Variants in CISD2 observed in about 807,000 individuals in gnomAD.
CISD2 encodes the protein CDGSH iron-sulfur domain-containing protein 2.
In CISD2, 1 loss-of-function variant was observed where a neutral mutation model predicts 12.9. That is an observed-to-expected ratio of 0.08 (90% CI 0.03 to 0.37). The LOEUF (loss-of-function observed/expected upper bound fraction) is 0.37. Ranked by LOEUF, CISD2 falls within the 10% of genes least tolerant of loss-of-function variation. The pLI is 0.99. For synonymous variants in CISD2, 50 were observed against 60.6 expected (o/e 0.83, Z 0.81); for missense variants, 97 against 163.1 (o/e 0.59, Z 2.21).
At chr4:102,879,891 A>G (rs886339342) in intron 1 of CISD2, among the ~76,000 whole-genome samples, 4 of 152,170 alleles carry the variant, frequency 2.6e-5, no homozygotes, top group Non-Finnish European at 5.9e-5. Flanking sequence ...GACACAGATG[A>G]TCAGACAAAT....
At chr4:102,876,316 T>C (rs1733590528) in intron 1 of CISD2, among the ~76,000 whole-genome samples, 1 of 152,216 alleles carries the variant, frequency 6.6e-6, no homozygotes, top group Non-Finnish European at 1.5e-5. Context: ...ACTGAATTAG[T>C]TGTTTACTGA....
chr4:102,883,038 G>A (rs537376203), intron 1 of CISD2, among the ~76,000 whole-genome samples: 14 of 152,186 alleles, frequency 9.2e-5, no homozygotes, highest in African/African-American at 3.1e-4. Flanking sequence ...GAGCCACCAC[G>A]CCCACATGTG....
Position 102,882,457 on chromosome 4 carries a change from G to A in CISD2, c.104-2759G>A, listed in dbSNP as rs141853191. 8.5e-4 allele frequency among the ~76,000 whole-genome samples: 129 copies of A among 152,276 alleles called. 1 individual carries two copies. Among genetic ancestry groups the A allele is most frequent in the Middle Eastern group, 3.4e-3 (1 of 294 alleles). On this transcript the variant is annotated intron_variant, in intron 1 of 2. Coordinates refer to ENST00000273986, the MANE Select transcript of CISD2 (RefSeq NM_001008388.5). ...GGCTGCTTACTAGACAGTAGCTTTC[G>A]CTGGCCTCAGGTACATGAAGAGACC...
chr4:102,881,181 CTTAA>C (rs1733712267), intron 1 of CISD2, among the ~76,000 whole-genome samples: 1 of 151,752 alleles, frequency 6.6e-6, no homozygotes, highest in Admixed American at 6.6e-5. Context: ...TAAAATCAGC[CTTAA>C]TTGACAGAGA....
At chr4:102,883,244 A>G (rs1018415230) in intron 1 of CISD2, among the ~76,000 whole-genome samples, 1 of 152,176 alleles carries the variant, frequency 6.6e-6, no homozygotes, top group Middle Eastern at 3.2e-3. Flanking sequence ...ACATGAAGTC[A>G]GTATTTCTCC....
chr4:102,885,710 C>G (rs1227081770), intron 2 of CISD2, among the ~76,000 whole-genome samples: 1 of 152,062 alleles, frequency 6.6e-6, no homozygotes, highest in African/African-American at 2.4e-5. Flanking sequence ...TGAGAGAGGA[C>G]CTAAGGTTTA....
intron 1 of CISD2, among the ~76,000 whole-genome samples, chr4:102,870,432 G>A (rs1024216410): frequency 6.6e-6 from 1 of 152,070 alleles, no homozygotes; most frequent in Non-Finnish European, 1.5e-5. Context: ...ATTTAGAAGG[G>A]ATAAACTAGA....
In CISD2 at chr4:102,892,161, C is replaced by T. The variant is rs10452178; in HGVS notation, c.*4731C>T. Reference sequence around the variant, plus strand: ...GCAGCCTCAGCCTCTTGTGCTCAAGCGATCCTCCCACCTCAGCCTCCCAAG... The same window carrying T: ...GCAGCCTCAGCCTCTTGTGCTCAAGTGATCCTCCCACCTCAGCCTCCCAAG... On this transcript the variant is annotated 3_prime_UTR_variant, in exon 3 of 3. Transcript: ENST00000273986. 0.16 allele frequency: 23,888 copies of T among 151,876 alleles called. 1,995 individuals carry two copies. The highest frequency in any genetic ancestry group is 0.19 in the African/African-American group (7,723 of 41,452). 9.4% of individuals were successfully genotyped at this position (151,876 alleles called of 1,614,324 possible). A position where few individuals can be genotyped will look rare whatever the true frequency, so the allele number is the denominator to read the frequency against.
Position 102,892,311 on chromosome 4 carries a change from A to C in CISD2, c.*4881A>C, listed in dbSNP as rs1318058808. ...GGACTCAAGTGATCCTCCCTGCCTC[A>C]GCACTCCCAAAGTGCTGGGATTGCA... On this transcript the variant is annotated 3_prime_UTR_variant, in exon 3 of 3. Transcript: ENST00000273986. 2 of 152,200 alleles carry C rather than the reference A, an allele frequency of 1.3e-5. No homozygotes were observed. The highest frequency in any genetic ancestry group is 2.9e-5 in the Non-Finnish European group (2 of 68,066). 9.4% of individuals were successfully genotyped at this position (152,200 alleles called of 1,614,324 possible). A position where few individuals can be genotyped will look rare whatever the true frequency, so the allele number is the denominator to read the frequency against.
intron 1 of CISD2, chr4:102,874,510 G>A (rs1187913691): frequency 2.0e-5 from 3 of 152,080 alleles, no homozygotes; most frequent in African/African-American, 7.2e-5. Context: ...TTTTAAAAAG[G>A]AAATTTGGGC....
chr4:102,880,237 C>A (rs1578312470), intron 1 of CISD2, among the ~76,000 whole-genome samples: 2 of 152,296 alleles, frequency 1.3e-5, no homozygotes, highest in East Asian at 3.9e-4. Context: ...AGCCACCACG[C>A]CCAGCCCCCT....
intron 1 of CISD2, among the ~76,000 whole-genome samples, chr4:102,884,512 A>G (rs577125238): frequency 4.6e-5 from 7 of 152,156 alleles, no homozygotes; most frequent in African/African-American, 7.2e-5. Context: ...TGAAATGTTT[A>G]TCTTGGTTTC....
intron 1 of CISD2, among the ~76,000 whole-genome samples, chr4:102,879,967 AG>A (rs1442038457): frequency 6.6e-6 from 1 of 151,478 alleles, no homozygotes; most frequent in Non-Finnish European, 1.5e-5. Flanking sequence ...TTTGAGATAG[AG>A]TCTCTTCTCT....
intron 1 of CISD2, among the ~76,000 whole-genome samples, chr4:102,870,038 C>T (rs112995765): frequency 0.012 from 1,812 of 152,116 alleles, 21 homozygotes; most frequent in African/African-American, 0.036. Context: ...GAACTCAGAC[C>T]GAGTAGGATG....
At chr4:102,870,474 T>C (rs1560900567) in intron 1 of CISD2, among the ~76,000 whole-genome samples, 1 of 152,300 alleles carries the variant, frequency 6.6e-6, no homozygotes. Context: ...TAGAGATTCA[T>C]TGAATTATGG....
chr4:102,880,817 AC>A (rs1273011535), intron 1 of CISD2, among the ~76,000 whole-genome samples: 1 of 151,856 alleles, frequency 6.6e-6, no homozygotes, highest in Non-Finnish European at 1.5e-5. Context: ...ACACGGTGAA[AC>A]CCCATCTCTA....
intron 1 of CISD2, among the ~76,000 whole-genome samples, chr4:102,881,432 A>G (rs1313956851): frequency 6.6e-6 from 1 of 152,224 alleles, no homozygotes; most frequent in Non-Finnish European, 1.5e-5. Flanking sequence ...AAAATTTGGA[A>G]TGTTCTCAAT....
intron 2 of CISD2, 61 bp from the exon 3 acceptor site, chr4:102,887,280 A>G (rs942658781): frequency 2.4e-5 from 24 of 1,003,434 alleles, no homozygotes; most frequent in Non-Finnish European, 3.8e-5. Context: ...CATTTCACAA[A>G]TGTTTCTACC....
intron 1 of CISD2, among the ~76,000 whole-genome samples, chr4:102,881,122 T>G (rs1344980255): frequency 6.6e-6 from 1 of 152,206 alleles, no homozygotes; most frequent in Non-Finnish European, 1.5e-5. Context: ...CATGTAAAAT[T>G]TTTTTTAAGT....
Sources: allele counts gnomAD v4.1 joint callset (sites outside exome capture counted in the v4.1 genomes callset), GRCh38; gene constraint gnomAD v4.1.1; transcripts MANE v1.5; gene names NCBI Gene and HGNC (gene_info 2026-07-23, HGNC 2026-07-21).